The following FGF14 variants were observed in gnomAD, a reference collection of about 807,000 sequenced individuals.
FGF14 encodes the protein fibroblast growth factor homologous factor 4.
Under a neutral mutation model 25.5 loss-of-function variants are expected in FGF14, and 5 were observed. That is an observed-to-expected ratio of 0.20 (90% CI 0.10 to 0.41). The LOEUF is 0.41. Ranked by LOEUF, FGF14 falls within the 10% of genes least tolerant of loss-of-function variation. The probability of loss-of-function intolerance (pLI) is 1.00; values close to 1 mark genes in which losing one functional copy is unlikely to be tolerated. For missense variants in FGF14, 222 were observed against 320.1 expected, an observed-to-expected ratio of 0.69 and a Z score of 2.34; for synonymous variants, 138 against 118.3, an observed-to-expected ratio of 1.17 and a Z score of -1.08.
At chr13:102,171,570 G>A (rs2048245630) in intron 1 of FGF14, among the ~76,000 whole-genome samples, 1 of 152,056 alleles carries the variant, frequency 6.6e-6, no homozygotes, top group Admixed American at 6.6e-5. Flanking sequence ...AAAACAACAA[G>A]ACTTAATGTC....
chr13:102,355,021 A>G (rs1441344361), intron 1 of FGF14, among the ~76,000 whole-genome samples: 1 of 152,036 alleles, frequency 6.6e-6, no homozygotes, highest in East Asian at 1.9e-4. Flanking sequence ...CCCATTTCAC[A>G]CTGTCATGGA....
At chr13:101,833,634 T>C (rs1028687412) in intron 3 of FGF14, among the ~76,000 whole-genome samples, 1 of 151,926 alleles carries the variant, frequency 6.6e-6, no homozygotes, top group Non-Finnish European at 1.5e-5. Flanking sequence ...GACAGATAGG[T>C]GTGTGTATAC....
intron 3 of FGF14, among the ~76,000 whole-genome samples, chr13:101,830,132 G>C (rs2042595479): frequency 6.6e-6 from 1 of 152,086 alleles, no homozygotes; most frequent in Non-Finnish European, 1.5e-5. Context: ...TAGAGTTGCA[G>C]TGCTTTAAAT....
chr13:102,169,481 A>G (rs1038384141), intron 1 of FGF14, among the ~76,000 whole-genome samples: 1 of 151,956 alleles, frequency 6.6e-6, no homozygotes, highest in African/African-American at 2.4e-5. Flanking sequence ...CCAGATGAGA[A>G]GTGATCAAAG....
chr13:101,964,067 C>T (rs1158728509), intron 1 of FGF14, among the ~76,000 whole-genome samples: 1 of 152,174 alleles, frequency 6.6e-6, no homozygotes, highest in Non-Finnish European at 1.5e-5. Flanking sequence ...ACATGACCAT[C>T]TTAAAACCAC....
At chr13:101,746,165 GATTA>G (rs1053672838) in intron 3 of FGF14, among the ~76,000 whole-genome samples, 1 of 152,104 alleles carries the variant, frequency 6.6e-6, no homozygotes, top group East Asian at 1.9e-4. Flanking sequence ...ATGTGGCTGA[GATTA>G]ATTATTTGGA....
chr13:101,945,920 G>C (rs1373726011), intron 1 of FGF14, among the ~76,000 whole-genome samples: 1 of 152,094 alleles, frequency 6.6e-6, no homozygotes, highest in Non-Finnish European at 1.5e-5. Context: ...TTTATAGACT[G>C]TTTTATACGT....
At chr13:101,799,945 TCA>T (rs2040775161) in intron 3 of FGF14, among the ~76,000 whole-genome samples, 1 of 152,178 alleles carries the variant, frequency 6.6e-6, no homozygotes, top group Non-Finnish European at 1.5e-5. Flanking sequence ...ATGGATTTTA[TCA>T]GACTTAGTGC....
At chr13:102,012,939 G>A (rs1053595532) in intron 1 of FGF14, among the ~76,000 whole-genome samples, 1 of 152,122 alleles carries the variant, frequency 6.6e-6, no homozygotes, top group Non-Finnish European at 1.5e-5. Flanking sequence ...ACAAGCCGGG[G>A]TATTCATGAC....
At chr13:102,317,012 T>C (rs1320503371) in intron 1 of FGF14, among the ~76,000 whole-genome samples, 1 of 152,122 alleles carries the variant, frequency 6.6e-6, no homozygotes, top group Non-Finnish European at 1.5e-5. Context: ...TTCCATCTTT[T>C]TTTGGGCCAT....
At chr13:102,148,251 T>C (rs2046936467) in intron 1 of FGF14, among the ~76,000 whole-genome samples, 1 of 152,190 alleles carries the variant, frequency 6.6e-6, no homozygotes, top group African/African-American at 2.4e-5. Flanking sequence ...ACTAAGAAAC[T>C]GATTGAGCAC....
chr13:101,741,564 C>A (rs548168609), intron 3 of FGF14, among the ~76,000 whole-genome samples: 1 of 150,954 alleles, frequency 6.6e-6, no homozygotes, highest in African/African-American at 2.4e-5. Context: ...CTGATGTCAA[C>A]GGCAAATCCA....
intron 1 of FGF14, among the ~76,000 whole-genome samples, chr13:102,168,442 G>A (rs375912332): frequency 2.2e-4 from 33 of 152,180 alleles, no homozygotes; most frequent in East Asian, 9.7e-4. Context: ...GCCTCCCAGA[G>A]TGCTGAGATT....
At chr13:101,795,561 A>C (rs1477497479) in intron 3 of FGF14, among the ~76,000 whole-genome samples, 1 of 152,114 alleles carries the variant, frequency 6.6e-6, no homozygotes, top group Non-Finnish European at 1.5e-5. Context: ...GTAAGGCAAC[A>C]CATACTTTCT....
At chr13:102,331,351 A>G (rs191106634) in intron 1 of FGF14, among the ~76,000 whole-genome samples, 1 of 152,322 alleles carries the variant, frequency 6.6e-6, no homozygotes, top group African/African-American at 2.4e-5. Context: ...TAATCCCAAT[A>G]GCTTGGACCC....
At chr13:101,953,298 T>C (rs947199550) in intron 1 of FGF14, among the ~76,000 whole-genome samples, 1 of 152,138 alleles carries the variant, frequency 6.6e-6, no homozygotes, top group African/African-American at 2.4e-5. Flanking sequence ...TATCTTTTCC[T>C]TTTTAATTAA....
intron 3 of FGF14, among the ~76,000 whole-genome samples, chr13:101,805,320 A>G (rs9300696): frequency 0.19 from 29,589 of 152,162 alleles, 3,003 homozygotes; most frequent in Admixed American, 0.24. Context: ...TAGGTAAATC[A>G]TTATGTCTAA....
intron 1 of FGF14, among the ~76,000 whole-genome samples, chr13:102,378,396 T>C (rs991778098): frequency 6.6e-6 from 1 of 152,196 alleles, no homozygotes; most frequent in Non-Finnish European, 1.5e-5. Flanking sequence ...AAAAACTTCA[T>C]TGATTTATAA....
chr13:101,875,840 G>A (rs2045359113), intron 1 of FGF14, among the ~76,000 whole-genome samples: 1 of 152,128 alleles, frequency 6.6e-6, no homozygotes, highest in African/African-American at 2.4e-5. Context: ...ACCCCTGGAT[G>A]TGTGAAGGGT....
Sources: allele counts gnomAD v4.1 joint callset (sites outside exome capture counted in the v4.1 genomes callset), GRCh38; gene constraint gnomAD v4.1.1; transcripts MANE v1.5; gene names NCBI Gene and HGNC (gene_info 2026-07-23, HGNC 2026-07-21).